CLDN10: variants seen among roughly 807,000 people sequenced by gnomAD.
CLDN10 encodes claudin 10, also known as claudin-10.
A neutral mutation model predicts 22.9 loss-of-function variants in CLDN10; 15 were observed. The observed-to-expected ratio is 0.65, with a 90% confidence interval of 0.44 to 1.01. The LOEUF (loss-of-function observed/expected upper bound fraction) is 1.01, where lower values mean the gene tolerates loss of function less well. CLDN10 is among the 50% of genes least tolerant of loss of function. The pLI, the probability that CLDN10 is intolerant of heterozygous loss-of-function variation, is 0.00. For missense variants in CLDN10, 247 were observed against 287.8 expected (o/e 0.86, Z 1.03); for synonymous variants, 114 against 111.4 (o/e 1.02, Z -0.15).
chr13:95,534,110 G>T (rs577997496), intron 1 of CLDN10, among the ~76,000 whole-genome samples: 1 of 152,230 alleles, frequency 6.6e-6, no homozygotes, highest in East Asian at 1.9e-4. Context: ...GGTAATGTGT[G>T]TCTCCCCTAC....
At chr13:95,540,073 G>A (rs1274324230) in intron 1 of CLDN10, among the ~76,000 whole-genome samples, 2 of 152,106 alleles carry the variant, frequency 1.3e-5, no homozygotes, top group African/African-American at 4.8e-5. Flanking sequence ...GCCGAGGTGG[G>A]TGGATCACCT....
chr13:95,577,648 T>A, intron 4 of CLDN10, among the ~76,000 whole-genome samples: 1 of 152,174 alleles, frequency 6.6e-6, no homozygotes, highest in East Asian at 1.9e-4. Context: ...GAGGGTGAGT[T>A]TTAAAACATG....
At chr13:95,535,813 C>A (rs1338743024) in intron 1 of CLDN10, among the ~76,000 whole-genome samples, 1 of 151,916 alleles carries the variant, frequency 6.6e-6, no homozygotes, top group East Asian at 1.9e-4. Context: ...GGAGACGAAT[C>A]GTGGAACAGG....
At chr13:95,519,488 A>C (rs532868173) in intron 1 of CLDN10, among the ~76,000 whole-genome samples, 59 of 152,374 alleles carry the variant, frequency 3.9e-4, no homozygotes, top group African/African-American at 1.3e-3. Context: ...GAAGTTATAC[A>C]GCAGTTGATC....
At chr13:95,563,095 A>ACTCTCTCTCT (rs34473629) in intron 3 of CLDN10, among the ~76,000 whole-genome samples, 3,123 of 128,034 alleles carry the variant, frequency 0.024, 59 homozygotes, top group Middle Eastern at 0.039. Context: ...CTGCCTACCC[A>ACTCTCTCTCT]CTCTCTCTCT....
intron 1 of CLDN10, among the ~76,000 whole-genome samples, chr13:95,535,417 AAG>A (rs771068900): frequency 6.6e-5 from 10 of 151,704 alleles, no homozygotes; most frequent in Admixed American, 3.9e-4. Context: ...GCAGTTCAGA[AAG>A]AGTGTCAACA....
intron 1 of CLDN10, among the ~76,000 whole-genome samples, chr13:95,466,165 T>G (rs755095176): frequency 1.3e-5 from 2 of 152,038 alleles, no homozygotes; most frequent in Non-Finnish European, 2.9e-5. Flanking sequence ...CATTTTCAAG[T>G]GTAAAATTCT....
chr13:95,575,731 A>C (rs2043916242), intron 3 of CLDN10, among the ~76,000 whole-genome samples: 1 of 152,148 alleles, frequency 6.6e-6, no homozygotes, highest in South Asian at 2.1e-4. Flanking sequence ...GCTTCCCCCT[A>C]GTTATTCTGT....
chr13:95,519,381 C>T (rs1594582978), intron 1 of CLDN10, among the ~76,000 whole-genome samples: 1 of 152,304 alleles, frequency 6.6e-6, no homozygotes, highest in East Asian at 1.9e-4. Flanking sequence ...TGCATCCATG[C>T]TTGCTGCTTT....
At chr13:95,486,466 T>A (rs1350382489) in intron 1 of CLDN10, among the ~76,000 whole-genome samples, 1 of 142,504 alleles carries the variant, frequency 7.0e-6, no homozygotes, top group Admixed American at 7.7e-5. Flanking sequence ...GAGGTTACAG[T>A]GAGCCAAGAT....
intron 1 of CLDN10, among the ~76,000 whole-genome samples, chr13:95,522,418 C>A (rs2043232690): frequency 6.6e-6 from 1 of 151,914 alleles, no homozygotes; most frequent in African/African-American, 2.4e-5. Flanking sequence ...ATTTCTATTA[C>A]ATTTTTCTTA....
chr13:95,501,019 CT>C (rs1417975792), intron 1 of CLDN10, among the ~76,000 whole-genome samples: 1 of 150,948 alleles, frequency 6.6e-6, no homozygotes, highest in Non-Finnish European at 1.5e-5. Context: ...TCTTAATTTT[CT>C]TTTTTTTTCT....
chr13:95,457,745 T>C (rs1407444734), intron 1 of CLDN10, among the ~76,000 whole-genome samples: 22 of 152,128 alleles, frequency 1.4e-4, no homozygotes, highest in Admixed American at 1.4e-3. Context: ...TATATAGTGA[T>C]GGTTTCTGCC....
At chr13:95,569,481 G>A (rs1311586397) in intron 3 of CLDN10, among the ~76,000 whole-genome samples, 1 of 152,156 alleles carries the variant, frequency 6.6e-6, no homozygotes, top group Non-Finnish European at 1.5e-5. Flanking sequence ...CTACTCAAGA[G>A]GCTGAGGCAG....
At chr13:95,480,656 C>G (rs1429772110) in intron 1 of CLDN10, among the ~76,000 whole-genome samples, 1 of 152,148 alleles carries the variant, frequency 6.6e-6, no homozygotes, top group African/African-American at 2.4e-5. Context: ...TCCCTTGGCT[C>G]CACCCTCAAA....
At chr13:95,557,591 A>G (rs1414356877) in intron 1 of CLDN10, among the ~76,000 whole-genome samples, 2 of 152,266 alleles carry the variant, frequency 1.3e-5, no homozygotes, top group Admixed American at 1.3e-4. Context: ...GCGCAAAATT[A>G]ACAAGTTATG....
At chr13:95,577,832 A>T in intron 4 of CLDN10, 68 bp from the exon 5 acceptor site, 2 of 949,644 alleles carry the variant, frequency 2.1e-6, no homozygotes, top group East Asian at 4.9e-5. Flanking sequence ...AGGCCGAAAC[A>T]GTTTCTTCCC....
intron 1 of CLDN10, among the ~76,000 whole-genome samples, chr13:95,557,727 A>C (rs775808120): frequency 6.6e-6 from 1 of 152,160 alleles, no homozygotes; most frequent in Non-Finnish European, 1.5e-5. Flanking sequence ...GTGTCAAGAG[A>C]CCAAAGTGGG....
rs191433412 is a variant in CLDN10, at chr13:95,453,407, G to C, written c.214+19360G>C. 2.6e-5 allele frequency among the ~76,000 whole-genome samples: 4 copies of C among 152,266 alleles called. No homozygotes were observed. The East Asian group carries it at 7.7e-4, about 29-fold the overall frequency. ...TCTAAATAAACAAGCACAGAGGCTG[G>C]GCTGGTGGCTCAAGCCTGTAATCCC... On this transcript the variant is annotated intron_variant, in intron 1 of 4. Transcript: ENST00000376873.
Sources: allele counts gnomAD v4.1 joint callset (sites outside exome capture counted in the v4.1 genomes callset), GRCh38; gene constraint gnomAD v4.1.1; transcripts MANE v1.5; gene names NCBI Gene and HGNC (gene_info 2026-07-23, HGNC 2026-07-21).